The following RARB variants were observed in gnomAD, a reference collection of about 807,000 sequenced individuals.
RARB encodes HBV-activated protein.
RARB carries 17 observed loss-of-function variants against 51.9 expected under a neutral mutation model. The ratio of observed to expected loss-of-function variants is 0.33; its 90% CI spans 0.22 to 0.49. The LOEUF (loss-of-function observed/expected upper bound fraction) is 0.49. RARB is among the 20% of genes least tolerant of loss of function. The pLI, the probability that RARB is intolerant of heterozygous loss-of-function variation, is 0.99. For synonymous variants in RARB, 215 were observed against 195.4 expected, an observed-to-expected ratio of 1.10 and a Z score of -0.84; for missense variants, 369 against 550.8, an observed-to-expected ratio of 0.67 and a Z score of 3.30.
intron 3 of RARB, among the ~76,000 whole-genome samples, chr3:25,085,813 C>A (rs975247150): frequency 3.3e-5 from 5 of 152,108 alleles, no homozygotes; most frequent in Admixed American, 3.3e-4. Context: ...ATAATCTAAA[C>A]TGAAAGTGTA....
intron 5 of RARB, among the ~76,000 whole-genome samples, chr3:25,239,654 G>C (rs1039897966): frequency 6.6e-6 from 1 of 152,060 alleles, no homozygotes; most frequent in African/African-American, 2.4e-5. Flanking sequence ...TGTTCCGTTG[G>C]TCTGCGCATC....
intron 5 of RARB, among the ~76,000 whole-genome samples, chr3:25,181,116 G>T (rs560420669): frequency 3.3e-5 from 5 of 151,968 alleles, no homozygotes; most frequent in Non-Finnish European, 5.9e-5. Context: ...GGATATTGAG[G>T]GGACACACAG....
At chr3:24,985,560 C>G (rs1310784333) in intron 2 of RARB, among the ~76,000 whole-genome samples, 1 of 152,088 alleles carries the variant, frequency 6.6e-6, no homozygotes, top group Non-Finnish European at 1.5e-5. Flanking sequence ...GATCATGATT[C>G]AAGAAATACA....
intron 1 of RARB, among the ~76,000 whole-genome samples, chr3:24,832,650 T>TATAA (rs1276684176): frequency 2.2e-5 from 3 of 138,974 alleles, no homozygotes; most frequent in South Asian, 2.3e-4. Flanking sequence ...TATATATATA[T>TATAA]AATGTCAATT....
intron 1 of RARB, among the ~76,000 whole-genome samples, chr3:25,436,190 C>T (rs1708430036): frequency 6.6e-6 from 1 of 152,160 alleles, no homozygotes; most frequent in Admixed American, 6.5e-5. Context: ...GTGAAAGTGC[C>T]TTGCCAAATG....
chr3:25,064,569 A>T (rs1698622313), intron 3 of RARB, among the ~76,000 whole-genome samples: 1 of 152,190 alleles, frequency 6.6e-6, no homozygotes, highest in Non-Finnish European at 1.5e-5. Flanking sequence ...AGTGGCAAAA[A>T]ATATCCATGA....
intron 2 of RARB, among the ~76,000 whole-genome samples, chr3:24,986,100 T>G (rs1301503728): frequency 6.6e-6 from 1 of 152,190 alleles, no homozygotes; most frequent in Non-Finnish European, 1.5e-5. Context: ...TGGTTTTAAG[T>G]GCTAAACTAT....
At chr3:25,579,287 T>C (rs1383457772) in intron 4 of RARB, among the ~76,000 whole-genome samples, 1 of 152,258 alleles carries the variant, frequency 6.6e-6, no homozygotes, top group Non-Finnish European at 1.5e-5. Context: ...GATAAAAGTA[T>C]ACAGTCACAT....
chr3:24,998,781 T>C (rs1486972155), intron 2 of RARB, among the ~76,000 whole-genome samples: 1 of 151,514 alleles, frequency 6.6e-6, no homozygotes, highest in African/African-American at 2.4e-5. Context: ...CTAACACCTT[T>C]TCAAAAATCC....
intron 2 of RARB, among the ~76,000 whole-genome samples, chr3:24,968,013 A>G (rs1696315004): frequency 6.6e-6 from 1 of 152,186 alleles, no homozygotes; most frequent in African/African-American, 2.4e-5. Context: ...TAAAACAATT[A>G]TAATAGCTCT....
At chr3:24,839,717 AAAG>A (rs1317418366) in intron 1 of RARB, among the ~76,000 whole-genome samples, 21 of 21,892 alleles carry the variant, frequency 9.6e-4, no homozygotes, top group African/African-American at 2.3e-3. Flanking sequence ...AAAAAAAAAA[AAAG>A]GGGGGGGGGG....
At chr3:24,996,726 G>C (rs1262947276) in intron 2 of RARB, among the ~76,000 whole-genome samples, 1 of 151,708 alleles carries the variant, frequency 6.6e-6, no homozygotes, top group Non-Finnish European at 1.5e-5. Context: ...TTGCTCAGAA[G>C]CATATTGTTT....
At chr3:25,547,404 C>G (rs891603949) in intron 3 of RARB, among the ~76,000 whole-genome samples, 5 of 152,108 alleles carry the variant, frequency 3.3e-5, no homozygotes, top group Non-Finnish European at 7.4e-5. Flanking sequence ...AGTACTTGGC[C>G]CTGGTAAATG....
At chr3:24,850,093 C>T (rs749077802) in intron 1 of RARB, among the ~76,000 whole-genome samples, 21 of 152,320 alleles carry the variant, frequency 1.4e-4, no homozygotes, top group Non-Finnish European at 3.1e-4. Flanking sequence ...GGCTGAAGGG[C>T]AAGAGAGAGT....
intron 2 of RARB, among the ~76,000 whole-genome samples, chr3:24,977,732 G>A (rs562743278): frequency 1.3e-5 from 2 of 152,192 alleles, no homozygotes; most frequent in East Asian, 1.9e-4. Flanking sequence ...TTTCCTAATC[G>A]AATACTCTTT....
At chr3:25,040,487 C>T (rs973321897) in intron 2 of RARB, among the ~76,000 whole-genome samples, 1 of 152,278 alleles carries the variant, frequency 6.6e-6, no homozygotes, top group East Asian at 1.9e-4. Context: ...GATCTCAGCA[C>T]TTTGGGAGGC....
intron 2 of RARB, among the ~76,000 whole-genome samples, chr3:24,966,628 C>A (rs1004239683): frequency 4.6e-5 from 7 of 151,112 alleles, no homozygotes; most frequent in African/African-American, 1.7e-4. Flanking sequence ...CTCTCTCTCT[C>A]TCTCTCTCTC....
chr3:25,107,533 A>C (rs1699529639), intron 3 of RARB, among the ~76,000 whole-genome samples: 1 of 152,196 alleles, frequency 6.6e-6, no homozygotes. Flanking sequence ...CAGTGGAAAT[A>C]AATCCAGTAG....
intron 1 of RARB, among the ~76,000 whole-genome samples, chr3:25,451,465 T>C (rs1037550075): frequency 2.0e-5 from 3 of 152,162 alleles, no homozygotes; most frequent in African/African-American, 7.2e-5. Flanking sequence ...ACCCACACAG[T>C]GAGGATTAAA....
Sources: allele counts gnomAD v4.1 joint callset (sites outside exome capture counted in the v4.1 genomes callset), GRCh38; gene constraint gnomAD v4.1.1; transcripts MANE v1.5; gene names NCBI Gene and HGNC (gene_info 2026-07-23, HGNC 2026-07-21).